Variants in TNNI3K observed in about 807,000 individuals in gnomAD.
The protein encoded by TNNI3K is TNNI3 interacting kinase, also known as serine/threonine-protein kinase TNNI3K.
In TNNI3K, 140 loss-of-function variants were observed where a neutral mutation model predicts 114.5. The observed-to-expected ratio is 1.22, with a 90% CI of 1.07 to 1.41. The LOEUF is 1.41. TNNI3K is among the 40% of genes most tolerant of loss of function. The probability of loss-of-function intolerance (pLI) is 0.00; values close to 1 mark genes in which losing one functional copy is unlikely to be tolerated. For synonymous variants in TNNI3K, 347 were observed against 347.5 expected, an observed-to-expected ratio of 1.00 and a Z score of 0.02; for missense variants, 1,125 against 1,007.6, an observed-to-expected ratio of 1.12 and a Z score of -1.58.
chr1:74,331,287 T>TA (rs1181734930), intron 5 of TNNI3K, among the ~76,000 whole-genome samples, 163 bp from the exon 6 acceptor site: 16 of 152,248 alleles, frequency 1.1e-4, no homozygotes, highest in African/African-American at 3.9e-4. Flanking sequence ...TTATCTTTCA[T>TA]AAAAAAACAG....
chr1:74,449,442 G>T (rs1270951237), intron 20 of TNNI3K, among the ~76,000 whole-genome samples: 2 of 151,950 alleles, frequency 1.3e-5, no homozygotes, highest in African/African-American at 2.4e-5. Context: ...TTTTTGAATG[G>T]TTTTTTGTGT....
intron 20 of TNNI3K, among the ~76,000 whole-genome samples, chr1:74,452,306 T>C (rs949656671): frequency 4.6e-5 from 7 of 152,176 alleles, no homozygotes; most frequent in African/African-American, 1.7e-4. Context: ...AAACTCTCTG[T>C]AACTGTAAGG....
chr1:74,299,741 C>G (rs1658203116), intron 5 of TNNI3K, among the ~76,000 whole-genome samples: 2 of 152,006 alleles, frequency 1.3e-5, no homozygotes. Context: ...TAGAAAAATA[C>G]TAGCAGTTTT....
chr1:74,325,440 A>G (rs1659844632), intron 5 of TNNI3K, among the ~76,000 whole-genome samples: 1 of 152,156 alleles, frequency 6.6e-6, no homozygotes, highest in Non-Finnish European at 1.5e-5. Flanking sequence ...GATCAACTAC[A>G]TTGAGGAACT....
intron 17 of TNNI3K, among the ~76,000 whole-genome samples, chr1:74,389,456 G>A (rs1426355410): frequency 6.6e-6 from 1 of 152,098 alleles, no homozygotes; most frequent in Non-Finnish European, 1.5e-5. Flanking sequence ...ATGGTAGAGG[G>A]CATTTGGAAA....
intron 17 of TNNI3K, among the ~76,000 whole-genome samples, chr1:74,386,283 A>G (rs2100558428): frequency 6.6e-6 from 1 of 152,230 alleles, no homozygotes; most frequent in East Asian, 1.9e-4. Context: ...TAGATTGAAG[A>G]CTTCAGACCT....
chr1:74,430,991 A>G (rs1001213030), intron 17 of TNNI3K, among the ~76,000 whole-genome samples: 2 of 152,148 alleles, frequency 1.3e-5, no homozygotes, highest in East Asian at 1.9e-4. Context: ...ATTACTTAAT[A>G]CCTAATGTAT....
chr1:74,251,831 A>G (rs1654947479), intron 4 of TNNI3K, among the ~76,000 whole-genome samples: 1 of 152,152 alleles, frequency 6.6e-6, no homozygotes, highest in South Asian at 2.1e-4. Flanking sequence ...CAAATACTCT[A>G]AAGTTTCATC....
intron 23 of TNNI3K, among the ~76,000 whole-genome samples, chr1:74,515,526 G>T (rs1646337255): frequency 6.6e-6 from 1 of 152,172 alleles, no homozygotes; most frequent in African/African-American, 2.4e-5. Context: ...GATGGTTGCT[G>T]TTGGCAACCA....
chr1:74,522,121 A>T (rs45577938), intron 23 of TNNI3K, among the ~76,000 whole-genome samples: 178 of 150,914 alleles, frequency 1.2e-3, no homozygotes, highest in African/African-American at 3.9e-3. Flanking sequence ...TGTTCTTTTT[A>T]AAAAAAATCT....
intron 20 of TNNI3K, among the ~76,000 whole-genome samples, chr1:74,453,004 A>C (rs274597): frequency 1.6e-4 from 25 of 152,170 alleles, no homozygotes; most frequent in African/African-American, 5.6e-4. Context: ...TAATTCTCCA[A>C]TATCAAGTGC....
Position 74,303,511 on chromosome 1 carries a change from GA to G in TNNI3K, c.445-27931del, listed in dbSNP as rs932512051. On this transcript the variant is annotated intron_variant, in intron 5 of 24. Transcript: ENST00000326637. ...CCACTGTTGAGACCCACTACTCAGG[GA>G]AAAAAAATTCAATTCAAAATATTAC... Among the ~76,000 whole-genome samples, 8 of 151,760 alleles carry G rather than the reference GA, an allele frequency of 5.3e-5. No individual in the cohort carries two copies. In the East Asian group the frequency reaches 5.8e-4, roughly 11 times the overall value.
intron 20 of TNNI3K, among the ~76,000 whole-genome samples, chr1:74,445,633 C>CGGAGTCTGAGAT (rs1666615202): frequency 7.5e-6 from 1 of 133,180 alleles, no homozygotes; most frequent in African/African-American, 3.1e-5. Context: ...TTTTTTGAGA[C>CGGAGTCTGAGAT]GGAGTCTCGC....
intron 17 of TNNI3K, among the ~76,000 whole-genome samples, chr1:74,408,553 T>C (rs765301611): frequency 1.3e-5 from 2 of 152,330 alleles, no homozygotes; most frequent in Admixed American, 6.5e-5. Context: ...TCCCCAGTTA[T>C]TCATTCTTTC....
At chr1:74,496,956 G>A (rs1259102651) in intron 23 of TNNI3K, among the ~76,000 whole-genome samples, 1 of 152,090 alleles carries the variant, frequency 6.6e-6, no homozygotes, top group Non-Finnish European at 1.5e-5. Context: ...AGAATGATTT[G>A]ACCTAGTTAG....
chr1:74,544,000 C>T lies in TNNI3K; in HGVS notation c.*18C>T, dbSNP rs199903234. On this transcript the variant is annotated 3_prime_UTR_variant, in exon 25 of 25. Coordinates refer to ENST00000326637, the MANE Select transcript of TNNI3K (RefSeq NM_015978.3). ...GCAGCTGACAGCATTCGGCGTATAC[C>T]TAAGGAGAGTTTTTTCCCCGAACTG... The T allele has an allele frequency of 1.2e-6, 2 of 1,604,244 alleles. No individual in the cohort carries two copies. The highest frequency in any genetic ancestry group is 1.7e-6 in the Non-Finnish European group (2 of 1,176,528).
At chr1:74,396,602 TC>T (rs1482376478) in intron 17 of TNNI3K, among the ~76,000 whole-genome samples, 1 of 152,136 alleles carries the variant, frequency 6.6e-6, no homozygotes. Context: ...AGAGACAGCA[TC>T]CGCCCGGGCA....
intron 21 of TNNI3K, among the ~76,000 whole-genome samples, chr1:74,484,930 T>C (rs1399086752): frequency 6.6e-6 from 1 of 152,142 alleles, no homozygotes; most frequent in African/African-American, 2.4e-5. Flanking sequence ...GAGGCAATTG[T>C]AGTAATACAA....
At chr1:74,267,298 T>G (rs1308280310) in intron 4 of TNNI3K, among the ~76,000 whole-genome samples, 1 of 152,004 alleles carries the variant, frequency 6.6e-6, no homozygotes. Flanking sequence ...TTAAAATTAT[T>G]CCATTAGGAC....
Sources: gnomAD v4.1 joint callset for allele counts (sites outside exome capture counted in the v4.1 genomes callset) on GRCh38, gnomAD v4.1.1 for gene constraint, MANE v1.5 for transcripts, NCBI Gene and HGNC (gene_info 2026-07-23, HGNC 2026-07-21) for gene names.